Variants in MTPAP observed in about 807,000 individuals in gnomAD.
MTPAP encodes poly(A) RNA polymerase, mitochondrial.
Under a neutral mutation model 48.7 loss-of-function variants are expected in MTPAP, and 23 were observed. The observed-to-expected ratio is 0.47, with a 90% CI of 0.34 to 0.67. The LOEUF is 0.67. MTPAP is among the 30% of genes least tolerant of loss of function. The pLI is 0.01. For missense variants in MTPAP, 614 were observed against 694.3 expected, an observed-to-expected ratio of 0.88 and a Z score of 1.30; for synonymous variants, 257 against 254.1, an observed-to-expected ratio of 1.01 and a Z score of -0.11.
intron 5 of MTPAP, among the ~76,000 whole-genome samples, chr10:30,324,684 G>A (rs1834560618): frequency 6.6e-6 from 1 of 152,162 alleles, no homozygotes; most frequent in African/African-American, 2.4e-5. Flanking sequence ...AGTTAAAACT[G>A]TCTCTAAAAC....
intron 5 of MTPAP, among the ~76,000 whole-genome samples, chr10:30,323,128 C>CAAAAAAAAA (rs201987154): frequency 5.8e-5 from 5 of 86,518 alleles, no homozygotes; most frequent in East Asian, 3.6e-4. Context: ...GACTCCGTTT[C>CAAAAAAAAA]AAAAAAAAAA....
chr10:30,323,804 C>A (rs1834543463), intron 5 of MTPAP, among the ~76,000 whole-genome samples: 2 of 152,210 alleles, frequency 1.3e-5, no homozygotes, highest in Non-Finnish European at 2.9e-5. Context: ...GCCACTGTGC[C>A]CAGCCTAGAA....
At chr10:30,320,489 T>C (rs1840710396) in intron 6 of MTPAP, among the ~76,000 whole-genome samples, 1 of 151,976 alleles carries the variant, frequency 6.6e-6, no homozygotes, top group African/African-American at 2.4e-5. Flanking sequence ...GCCACTGTAA[T>C]CCAGACTGGG....
intron 1 of MTPAP, among the ~76,000 whole-genome samples, chr10:30,344,659 C>G (rs368784783): frequency 7.2e-5 from 11 of 152,308 alleles, no homozygotes; most frequent in African/African-American, 2.4e-4. Flanking sequence ...TGAGTCTAAA[C>G]TGATGTCCAA....
intron 4 of MTPAP, among the ~76,000 whole-genome samples, chr10:30,330,426 A>C (rs760192459): frequency 6.6e-6 from 1 of 152,240 alleles, no homozygotes; most frequent in South Asian, 2.1e-4. Flanking sequence ...ACTAGAGTAC[A>C]TCAGGGAGGA....
rs754233439 is a variant in MTPAP, at chr10:30,313,851, G to A, written c.1507C>T (p.Arg503Ter). ...SQLQKFVDLARESAWILQQED... is the reference protein window; with the variant it reads ...SQLQKFVDLA ...TGTTGTAAAATCCAGGCACTTTCTC[G>A]GGCCAAATCTACAAATTTTTGCAGC... Residue 503 changes from arginine to a stop codon, truncating the protein, a stop_gained, in exon 9 of 9, where the codon CGA (arginine) becomes TGA (stop). Transcript: ENST00000263063. LOFTEE classifies it low-confidence loss of function (END_TRUNC). The A allele has an allele frequency of 1.6e-5, 26 of 1,613,916 alleles. No individual in the cohort carries two copies. Among genetic ancestry groups the A allele is most frequent in the Non-Finnish European group, 2.0e-5 (24 of 1,180,010 alleles).
At chr10:30,332,891 GC>G in intron 4 of MTPAP, among the ~76,000 whole-genome samples, 2 of 152,174 alleles carry the variant, frequency 1.3e-5, no homozygotes, top group East Asian at 3.9e-4. Context: ...GGAGGCAGAG[GC>G]AGGCAGATCA....
intron 4 of MTPAP, among the ~76,000 whole-genome samples, chr10:30,327,054 T>C (rs144676573): frequency 6.4e-4 from 97 of 152,220 alleles, no homozygotes; most frequent in African/African-American, 2.2e-3. Flanking sequence ...AGCTCATCAG[T>C]AGAAGAAAGA....
In MTPAP at chr10:30,336,747, C is replaced by A. The variant is rs1481175350; in HGVS notation, c.780+56G>T. The stretch of plus-strand genomic sequence containing the variant: ...TATTTTATTAAGTTCAAAGATTTTT[C>A]TTTTTATACTTTCTTAACTTTACAT... On this transcript the variant is annotated intron_variant, in intron 4 of 8. Transcript: ENST00000263063. 5 of 1,359,552 alleles carry A rather than the reference C, an allele frequency of 3.7e-6. No homozygotes were observed. The African/African-American group carries it at 5.8e-5, about 16-fold the overall frequency. The allele number at this position is 1,359,552 out of a possible 1,614,324, so 84.2% of individuals were successfully genotyped here.
rs190956627 is a variant in MTPAP at position 30,345,675 on chromosome 10, G to A, written c.157+3444C>T. Among the ~76,000 whole-genome samples the A allele has an allele frequency of 3.5e-3, 540 of 152,306 alleles. 5 individuals are homozygous for A. Among genetic ancestry groups the A allele is most frequent in the African/African-American group, 0.012 (499 of 41,560 alleles). On this transcript the variant is annotated intron_variant, in intron 1 of 8. Transcript: ENST00000263063. ...ACAAATTAAAAGGAAGAACTAATAA[G>A]TGCTAATATTTTATGACAGATTGAA...
At chr10:30,321,298 A>G (rs557372094) in intron 6 of MTPAP, among the ~76,000 whole-genome samples, 1 of 152,304 alleles carries the variant, frequency 6.6e-6, no homozygotes, top group African/African-American at 2.4e-5. Context: ...CAAGTGAAGC[A>G]GTGAGAGTGG....
chr10:30,342,694 G>C (rs759176130), intron 1 of MTPAP, among the ~76,000 whole-genome samples: 6 of 151,998 alleles, frequency 3.9e-5, no homozygotes, highest in Non-Finnish European at 5.9e-5. Flanking sequence ...TTGGAAATTC[G>C]GTGTTTTGAC....
intron 4 of MTPAP, among the ~76,000 whole-genome samples, chr10:30,327,106 A>T (rs909060904): frequency 2.6e-5 from 4 of 152,194 alleles, no homozygotes; most frequent in Admixed American, 2.6e-4. Flanking sequence ...GGAATTTAAT[A>T]TTTAAGGCCA....
intron 1 of MTPAP, among the ~76,000 whole-genome samples, chr10:30,342,557 A>C (rs1030533285): frequency 6.6e-6 from 1 of 152,016 alleles, no homozygotes; most frequent in Non-Finnish European, 1.5e-5. Flanking sequence ...AAAAAAAAAA[A>C]AAACCAGGAA....
At chr10:30,338,560 T>G (rs532234436) in intron 3 of MTPAP, among the ~76,000 whole-genome samples, 5 of 151,800 alleles carry the variant, frequency 3.3e-5, no homozygotes, top group Non-Finnish European at 7.4e-5. Flanking sequence ...CTGTAATCCC[T>G]GCTACTTGGG....
In MTPAP at chr10:30,313,231, A is replaced by T. The variant is rs1042010480; in HGVS notation, c.*378T>A. 4.1e-6 allele frequency: 1 copy of T among 246,018 alleles called. No individual in the cohort carries two copies. The highest frequency in any genetic ancestry group is 8.0e-6 in the Non-Finnish European group (1 of 125,262). 15.2% of individuals were successfully genotyped at this position (246,018 alleles called of 1,614,324 possible). ...CTATTTAGTTAAAGCACATTACAAT[A>T]ATCTTTCACCCATTCCTTGTGGCTT... On this transcript the variant is annotated 3_prime_UTR_variant, in exon 9 of 9. Coordinates refer to ENST00000263063, the MANE Select transcript of MTPAP (RefSeq NM_018109.4).
Position 30,336,819 on chromosome 10 carries a change from T to C in MTPAP, c.764A>G (p.Asn255Ser), listed in dbSNP as rs1362231977. 2 of 1,609,188 alleles carry C rather than the reference T, an allele frequency of 1.2e-6. No individual in the cohort carries two copies. Among genetic ancestry groups the C allele is most frequent in the Admixed American group, 1.7e-5 (1 of 59,994 alleles). Reference sequence around the variant, plus strand: ...TAGACTTACCTTGTGAGCGCTGAGGTTTCTGGTTTCATCTAGATCCAAAAA... The same window carrying C: ...TAGACTTACCTTGTGAGCGCTGAGGCTTCTGGTTTCATCTAGATCCAAAAA... ...DMFLDLDETR[N>S]LSAHKISGNF... The change falls in exon 4 of 9, where the codon AAC becomes AGC. Residue 255 changes from asparagine to serine, a missense_variant. By Grantham distance (46) the Asn-to-Ser change is conservative (BLOSUM62 1). Transcript: ENST00000263063.
chr10:30,346,043 G>C (rs201807282), intron 1 of MTPAP, among the ~76,000 whole-genome samples: 3 of 64,178 alleles, frequency 4.7e-5, no homozygotes, highest in Non-Finnish European at 1.0e-4. Context: ...CTTCTCAAAA[G>C]AAAAAAAAAA....
chr10:30,326,522 G>T lies in MTPAP; in HGVS notation c.894C>A (p.Gly298=). The change falls in exon 5 of 9, where the codon GGC becomes GGA. Residue 298 remains glycine, a synonymous_variant. Transcript: ENST00000263063. ...TTAATATTTTTTGCACACCCACACA[G>T]CCAGGGCCAAAGTGGTCAAGGCACT... ...LGECLDHFGP[G]CVGVQKILNA... is the part of the protein sequence containing the mutation. 6.2e-7 allele frequency: 1 copy of T among 1,614,140 alleles called. No homozygotes were observed.
Sources: allele counts gnomAD v4.1 joint callset (sites outside exome capture counted in the v4.1 genomes callset), GRCh38; gene constraint gnomAD v4.1.1; transcripts MANE v1.5; gene names NCBI Gene and HGNC (gene_info 2026-07-23, HGNC 2026-07-21).